Variants in PPP2CB observed in about 807,000 individuals in gnomAD.
PPP2CB encodes protein phosphatase 2 catalytic subunit beta, also known as serine/threonine-protein phosphatase 2A catalytic subunit beta isoform.
Under a neutral mutation model 39.1 loss-of-function variants are expected in PPP2CB, and 18 were observed. That is an observed-to-expected ratio of 0.46 (90% CI 0.32 to 0.68). The LOEUF (loss-of-function observed/expected upper bound fraction) is 0.68, where lower values mean the gene tolerates loss of function less well. Among genes scored for constraint, PPP2CB ranks in the 30% least tolerant of loss-of-function variants. The probability of loss-of-function intolerance (pLI) is 0.04; values close to 1 mark genes in which losing one functional copy is unlikely to be tolerated. For missense variants in PPP2CB, 226 were observed against 396.9 expected, an observed-to-expected ratio of 0.57 and a Z score of 3.66; for synonymous variants, 129 against 133.8, an observed-to-expected ratio of 0.96 and a Z score of 0.25.
chr8:30,812,448 G>A lies in PPP2CB; in HGVS notation c.-27C>T. ...GCGGCCCGATCCCGATGCGGATCCC[G>A]AGCCCCAGCCCGGCCGCCGCCCTCC... On this transcript the variant is annotated 5_prime_UTR_variant, in exon 1 of 7. Transcript: ENST00000221138. 2 of 1,483,374 alleles carry A rather than the reference G, an allele frequency of 1.3e-6. No individual in the cohort carries two copies. The highest frequency in any genetic ancestry group is 9.0e-7 in the Non-Finnish European group (1 of 1,111,096). The allele number at this position is 1,483,374 out of a possible 1,614,324, so 91.9% of individuals were successfully genotyped here. A position where few individuals can be genotyped will look rare whatever the true frequency, so the allele number is the denominator to read the frequency against.
In PPP2CB at chr8:30,809,556, C is replaced by T. The variant is rs184872747; in HGVS notation, c.102+2764G>A. On this transcript the variant is annotated intron_variant, in intron 1 of 6. Transcript: ENST00000221138. ...TGAGTATTATCACACTTTTCCAACC[C>T]ATTGGCAACTCCATCAATGGGGGTA... Among the ~76,000 whole-genome samples, 4 of 152,194 alleles carry T rather than the reference C, an allele frequency of 2.6e-5. No individual in the cohort carries two copies. The East Asian group carries it at 5.8e-4, about 22-fold the overall frequency.
chr8:30,803,843 G>A (rs1251818116), intron 1 of PPP2CB, among the ~76,000 whole-genome samples: 4 of 149,446 alleles, frequency 2.7e-5, no homozygotes, highest in Non-Finnish European at 4.4e-5. Context: ...TTGAGACGGA[G>A]TCCTGCTCTG....
rs138157351 is a variant in PPP2CB, at chr8:30,797,393, T to G, written c.486+188A>C. 3.9e-5 allele frequency among the ~76,000 whole-genome samples: 6 copies of G among 152,304 alleles called. 1 individual carries two copies. The South Asian group carries it at 6.2e-4, about 16-fold the overall frequency. ...ACATATCTGAGAACAACAGGAAAAT[T>G]TGCTGGTCCAAATGTATGTGAAACT... is the stretch of plus-strand genomic sequence containing the variant. On this transcript the variant is annotated intron_variant, in intron 3 of 6. Transcript: ENST00000221138.
chr8:30,792,060 ATG>A (rs200977457), intron 5 of PPP2CB, among the ~76,000 whole-genome samples: 3,458 of 148,166 alleles, frequency 0.023, 128 homozygotes, highest in African/African-American at 0.082. Flanking sequence ...TAGTGTATGT[ATG>A]TGTGTATATA....
At chr8:30,799,493 G>T in intron 2 of PPP2CB, 53 bp downstream of exon 2, 1 of 1,420,082 alleles carries the variant, frequency 7.0e-7, no homozygotes, top group Non-Finnish European at 9.9e-7. Flanking sequence ...TGTCATTCTT[G>T]CCTTTTGCCT....
intron 1 of PPP2CB, 126 bp downstream of exon 1, chr8:30,812,194 G>A (rs538416390): frequency 1.8e-6 from 1 of 566,220 alleles, no homozygotes; most frequent in South Asian, 8.3e-5. Context: ...GCCGGAGCCG[G>A]ACCCACAGCC....
chr8:30,803,189 GTTTTT>G (rs962497489), intron 1 of PPP2CB, among the ~76,000 whole-genome samples: 2 of 150,890 alleles, frequency 1.3e-5, no homozygotes, highest in African/African-American at 4.9e-5. Flanking sequence ...ACTAGCTTTT[GTTTTT>G]TTTTAAGACA....
intron 5 of PPP2CB, chr8:30,791,592 A>G: frequency 4.4e-6 from 1 of 227,586 alleles, no homozygotes; most frequent in Non-Finnish European, 8.4e-6. Flanking sequence ...AATTTCTCCC[A>G]CAATCATAAT....
At chr8:30,787,465 T>C (rs1806362878) in intron 6 of PPP2CB, among the ~76,000 whole-genome samples, 2 of 152,168 alleles carry the variant, frequency 1.3e-5, no homozygotes, top group African/African-American at 2.4e-5. Context: ...TTCAGCTTCC[T>C]GAGTAGCTGA....
At position 30,800,679 on chromosome 8, in the gene PPP2CB, A is replaced by G. The variant is rs569939880; in HGVS notation, c.103-924T>C. On this transcript the variant is annotated intron_variant, in intron 1 of 6. Transcript: ENST00000221138. ...CCCAGAATCAGGAAGAAAAATTTAAAAGCCTCTGAAGTAACAAAACAGACA... is the reference window on the plus strand; with the variant it reads ...CCCAGAATCAGGAAGAAAAATTTAAGAGCCTCTGAAGTAACAAAACAGACA... Among the ~76,000 whole-genome samples, 7 of 152,344 alleles carry G rather than the reference A, an allele frequency of 4.6e-5. No individual in the cohort carries two copies. In the East Asian group the frequency reaches 7.7e-4, roughly 17 times the overall value.
At chr8:30,810,711 A>T (rs1039937368) in intron 1 of PPP2CB, among the ~76,000 whole-genome samples, 1 of 152,246 alleles carries the variant, frequency 6.6e-6, no homozygotes, top group Admixed American at 6.5e-5. Context: ...TTTCAGAAAG[A>T]GAAAAATACC....
chr8:30,808,799 G>A (rs1454975443), intron 1 of PPP2CB, among the ~76,000 whole-genome samples: 1 of 152,064 alleles, frequency 6.6e-6, no homozygotes, highest in African/African-American at 2.4e-5. Context: ...AAGGCATATT[G>A]GCACATCTAT....
At chr8:30,793,184 T>C (rs1315101747) in intron 5 of PPP2CB, 4 of 152,298 alleles carry the variant, frequency 2.6e-5, no homozygotes, top group Middle Eastern at 3.4e-3. Flanking sequence ...AATGCATACA[T>C]TGAATCCCTA....
At position 30,812,799 on chromosome 8, in the gene PPP2CB, C is replaced by A. The variant is rs1806869454; in HGVS notation, c.-378G>T. On this transcript the variant is annotated 5_prime_UTR_variant, in exon 1 of 7. Coordinates refer to ENST00000221138, the MANE Select transcript of PPP2CB (RefSeq NM_001009552.2). ...CCTCACGCCTACCGGCCTCTCCCGACTTGTCTTTCCCCTTCTCTCGCTCTT... is the reference window on the plus strand; with the variant it reads ...CCTCACGCCTACCGGCCTCTCCCGAATTGTCTTTCCCCTTCTCTCGCTCTT... The A allele has an allele frequency of 2.2e-6, 1 of 462,428 alleles. No individual in the cohort carries two copies. The highest frequency in any genetic ancestry group is 1.5e-5 in the South Asian group (1 of 64,608). The allele number at this position is 462,428 out of a possible 1,614,324, so 28.6% of individuals were successfully genotyped here.
rs1175012951 is a variant in PPP2CB at position 30,791,219 on chromosome 8, C to T, written c.835G>A (p.Asp279Asn). 6.2e-7 allele frequency: 1 copy of T among 1,609,052 alleles called. No individual in the cohort carries two copies. Among genetic ancestry groups the T allele is most frequent in the Admixed American group, 1.7e-5 (1 of 59,158 alleles). ...CACAAGGAATATTTTAAAGTGTCAT[C>T]TAATTCCATGATAGCAGCCTGGTTC... ...CGNQAAIMEL[D>N]DTLKYSFLQF... Residue 279 changes from aspartate to asparagine, a missense_variant, in exon 6 of 7, where the codon GAT becomes AAT. Coordinates refer to ENST00000221138, the MANE Select transcript of PPP2CB (RefSeq NM_001009552.2).
chr8:30,792,798 T>C (rs930386153), intron 5 of PPP2CB, among the ~76,000 whole-genome samples: 3 of 152,168 alleles, frequency 2.0e-5, no homozygotes, highest in Non-Finnish European at 4.4e-5. Flanking sequence ...CAGCTAAATT[T>C]TGATTATTTA....
intron 1 of PPP2CB, among the ~76,000 whole-genome samples, chr8:30,806,448 T>C (rs1806727622): frequency 6.6e-6 from 1 of 152,216 alleles, no homozygotes; most frequent in Non-Finnish European, 1.5e-5. Flanking sequence ...GATGTCTTCA[T>C]ACAAGTTTCT....
chr8:30,787,902 A>G (rs558086611), intron 6 of PPP2CB, among the ~76,000 whole-genome samples: 145 of 152,250 alleles, frequency 9.5e-4, no homozygotes, highest in African/African-American at 3.3e-3. Flanking sequence ...TTCAGATTTC[A>G]TATTTCTTGA....
intron 3 of PPP2CB, among the ~76,000 whole-genome samples, chr8:30,797,168 A>G (rs1261809140): frequency 6.6e-6 from 1 of 152,206 alleles, no homozygotes; most frequent in African/African-American, 2.4e-5. Flanking sequence ...GTAATACACA[A>G]TATAACATTT....
Sources: gnomAD v4.1 joint callset for allele counts (sites outside exome capture counted in the v4.1 genomes callset) on GRCh38, gnomAD v4.1.1 for gene constraint, MANE v1.5 for transcripts, NCBI Gene and HGNC (gene_info 2026-07-23, HGNC 2026-07-21) for gene names.